The following JAG2 variants were observed in gnomAD, a reference collection of about 807,000 sequenced individuals.
JAG2 encodes protein jagged-2.
A neutral mutation model predicts 141.7 loss-of-function variants in JAG2; 46 were observed. The ratio of observed to expected loss-of-function variants is 0.32; its 90% confidence interval spans 0.26 to 0.42. The LOEUF (loss-of-function observed/expected upper bound fraction) is 0.42. JAG2 is among the 10% of genes least tolerant of loss of function. The pLI is 1.00. For synonymous variants in JAG2, 862 were observed against 763.5 expected (o/e 1.13, Z -2.13); for missense variants, 1,500 against 1,817.5 (o/e 0.83, Z 3.18).
intron 2 of JAG2, among the ~76,000 whole-genome samples, chr14:105,160,934 G>A (rs1047676215): frequency 2.6e-5 from 4 of 152,184 alleles, no homozygotes; most frequent in Non-Finnish European, 5.9e-5. Flanking sequence ...AGGGCATGAG[G>A]AAGTGAAGGA....
At position 105,143,533 on chromosome 14, in the gene JAG2, C is replaced by T; in HGVS notation, c.3190G>A (p.Ala1064Thr). 1 of 1,588,336 alleles carries T rather than the reference C, an allele frequency of 6.3e-7. No homozygotes were observed. Among genetic ancestry groups the T allele is most frequent in the Non-Finnish European group, 8.5e-7 (1 of 1,170,230 alleles). ...GTCTCCACCTTGACCTCGGTGACAG[C>T]CAGGAGCAGTGAGCTGTTCCCCCGC... ...TQRGNSSLLL[A>T]VTEVKVETVV... Residue 1064 changes from alanine (A) to threonine (T), a missense_variant, in exon 25 of 26, where the codon GCT (alanine) becomes ACT (threonine). Physicochemically the swap from Ala to Thr is moderately conservative, Grantham distance 58 (BLOSUM62 0). Transcript: ENST00000331782.
intron 5 of JAG2, 99 bp downstream of exon 5, chr14:105,155,463 A>G: frequency 7.2e-7 from 1 of 1,396,892 alleles, no homozygotes; most frequent in Non-Finnish European, 1.0e-6. Context: ...CCCAACCTCC[A>G]GCCAGCTCCG....
intron 24 of JAG2, 129 bp downstream of exon 24, chr14:105,144,801 G>A (rs1595172336): frequency 1.6e-6 from 2 of 1,233,288 alleles, no homozygotes; most frequent in East Asian, 5.1e-5. Flanking sequence ...GGGCCGCAGG[G>A]AGACAGGCCT....
intron 3 of JAG2, among the ~76,000 whole-genome samples, chr14:105,157,042 C>T (rs1888603656): frequency 6.6e-6 from 1 of 152,170 alleles, no homozygotes; most frequent in South Asian, 2.1e-4. Context: ...CCCCTCTCAC[C>T]CCCAGACTGC....
intron 2 of JAG2, among the ~76,000 whole-genome samples, chr14:105,163,584 G>A (rs1483627414): frequency 7.2e-6 from 1 of 139,676 alleles, no homozygotes; most frequent in Non-Finnish European, 1.5e-5. Context: ...ACTCCGCTCA[G>A]GCCTGTGGTC....
chr14:105,149,112 G>C (rs971367671), intron 13 of JAG2, 23 bp from the exon 14 acceptor site: 2 of 1,601,530 alleles, frequency 1.2e-6, no homozygotes, highest in Non-Finnish European at 1.7e-6. Context: ...GTACAGTCAG[G>C]AGTCAGGCCC....
In JAG2 at chr14:105,167,234, G is replaced by A. The variant is rs1258897761; in HGVS notation, c.417+523C>T. Among the ~76,000 whole-genome samples, 2 of 152,218 alleles carry A rather than the reference G, an allele frequency of 1.3e-5. No individual in the cohort carries two copies. Among genetic ancestry groups the A allele is most frequent in the Non-Finnish European group, 2.9e-5 (2 of 68,038 alleles). On this transcript the variant is annotated intron_variant, in intron 2 of 25. Coordinates refer to ENST00000331782, the MANE Select transcript of JAG2 (RefSeq NM_002226.5). This position sits in a 1 kb window ranked among gnomAD's most constrained non-coding sequence, Gnocchi z 4.8. ...TCTGAACGATCTTGGGTCACCATCG[G>A]GGGCTTCTGCCGACATAAGCGTTAG...
rs772783853 is a variant in JAG2, at chr14:105,167,963, C to T, written c.211G>A (p.Val71Met). ...TGGTACTCCTTAAGGCACACGCGCA[C>T]GTACGTGTCGCACTCGTCGTGGCCG... ...GCGHDECDTYVRVCLKEYQAK... is the reference protein window; with the variant it reads ...GCGHDECDTYMRVCLKEYQAK... The change falls in exon 2 of 26, where the codon GTG becomes ATG. Residue 71 changes from valine (V) to methionine (M), a missense_variant. This residue lies in a region of JAG2 where 200 missense variants were observed against 174.3 expected (regional missense o/e 1.15). Coordinates refer to ENST00000331782, the MANE Select transcript of JAG2 (RefSeq NM_002226.5). This position sits in a 1 kb window ranked among gnomAD's most constrained non-coding sequence, Gnocchi z 4.8. 1.2e-6 allele frequency: 2 copies of T among 1,604,330 alleles called. No individual in the cohort carries two copies. Among genetic ancestry groups the T allele is most frequent in the Admixed American group, 3.3e-5 (2 of 59,736 alleles).
In JAG2 at chr14:105,167,479, C is replaced by G. The variant is rs1033484156; in HGVS notation, c.417+278G>C. ...CCCACCCAGACAGACACGCGCAGGG[C>G]GACGCAGGCACACGCCGCACACCGC... On this transcript the variant is annotated intron_variant, in intron 2 of 25. Coordinates refer to ENST00000331782, the MANE Select transcript of JAG2 (RefSeq NM_002226.5). The surrounding 1 kb of genome is among the most constrained non-coding windows in gnomAD (Gnocchi z 4.8). Among the ~76,000 whole-genome samples the G allele has an allele frequency of 6.6e-6, 1 of 150,996 alleles. No individual in the cohort carries two copies. The highest frequency in any genetic ancestry group is 2.4e-5 in the African/African-American group (1 of 41,268).
At position 105,148,102 on chromosome 14, in the gene JAG2, CG is replaced by C. The variant is rs766982797; in HGVS notation, c.2248+13del. 2.4e-5 allele frequency: 37 copies of C among 1,537,192 alleles called. No individual in the cohort carries two copies. The South Asian group carries it at 3.9e-4, about 16-fold the overall frequency. On this transcript the variant is annotated intron_variant, in intron 17 of 25. Coordinates refer to ENST00000331782, the MANE Select transcript of JAG2 (RefSeq NM_002226.5). ...ATATGCCCGGCGGTCGCAGAGGCAG[CG>C]GGGGCTCCTCACCGACGGCGCAGGT... is the stretch of plus-strand genomic sequence containing the variant.
In JAG2 at chr14:105,149,238, C is replaced by T; in HGVS notation, c.1685G>A (p.Cys562Tyr). ...GTTCTTGCCACCAAAGTCATCAGGG[C>T]AGGCGCAGTAATAGTCACCCTCCAG... is the stretch of plus-strand genomic sequence containing the variant. ...YNLEGDYYCA[C>Y]PDDFGGKNCS... The change falls in exon 13 of 26, where the codon TGC (cysteine) becomes TAC (tyrosine). Residue 562 changes from cysteine to tyrosine, a missense_variant. Around this residue, in one of 3 missense-constraint regions of JAG2, gnomAD observed 875 missense variants for 1,202.2 expected, o/e 0.73. Coordinates refer to ENST00000331782, the MANE Select transcript of JAG2 (RefSeq NM_002226.5). 6.2e-7 allele frequency: 1 copy of T among 1,611,882 alleles called. No homozygotes were observed. Among genetic ancestry groups the T allele is most frequent in the Non-Finnish European group, 8.5e-7 (1 of 1,179,778 alleles).
At chr14:105,150,226 A>G (rs930070776) in intron 12 of JAG2, among the ~76,000 whole-genome samples, 1 of 151,886 alleles carries the variant, frequency 6.6e-6, no homozygotes, top group Admixed American at 6.6e-5. Flanking sequence ...GGACTCACCT[A>G]TGACAGGTGT....
Position 105,148,176 on chromosome 14 carries a change from T to G in JAG2, c.2188A>C (p.Ser730Arg), listed in dbSNP as rs1888290299. 6.4e-7 allele frequency: 1 copy of G among 1,551,984 alleles called. No individual in the cohort carries two copies. The highest frequency in any genetic ancestry group is 1.4e-5 in the African/African-American group (1 of 73,168). ...TCSNGGTCYD[S>R]GDTFRCACPP... is the part of the protein sequence containing the mutation. ...CAGGCGCAGCGGAAGGTGTCGCCGC[T>G]GTCGTAGCAGGTGCCACCGTTGCTG... The change falls in exon 17 of 26, where the codon AGC becomes CGC. Residue 730 changes from serine to arginine, a missense_variant. By Grantham distance (110) the Ser-to-Arg change is moderately radical. This residue lies in a region of JAG2 where 875 missense variants were observed against 1,202.2 expected (regional missense o/e 0.73). Coordinates refer to ENST00000331782, the MANE Select transcript of JAG2 (RefSeq NM_002226.5).
At chr14:105,147,711 G>C (rs1037794816) in intron 18 of JAG2, 61 bp downstream of exon 18, 1 of 1,269,616 alleles carries the variant, frequency 7.9e-7, no homozygotes, top group Non-Finnish European at 1.1e-6. Flanking sequence ...GGCGAGTCGG[G>C]GGCAGGGATG....
intron 2 of JAG2, 61 bp from the exon 3 acceptor site, chr14:105,157,824 T>C (rs1888625297): frequency 1.4e-6 from 2 of 1,453,758 alleles, no homozygotes; most frequent in Admixed American, 3.9e-5. Context: ...TCGTTCAGGG[T>C]GGGACAAGGC....
Position 105,145,188 on chromosome 14 carries a change from G to A in JAG2, c.2953-127C>T. Reference sequence around the variant, plus strand: ...CCGCCCAGGAGAGCACAGCAAGGATGCCAAGGGCCTGGGGGGGCAGCTTCC... The same window carrying A: ...CCGCCCAGGAGAGCACAGCAAGGATACCAAGGGCCTGGGGGGGCAGCTTCC... On this transcript the variant is annotated intron_variant, in intron 23 of 25. Transcript: ENST00000331782. 4.5e-6 allele frequency: 6 copies of A among 1,330,636 alleles called. No homozygotes were observed. The South Asian group carries it at 5.0e-5, about 11-fold the overall frequency. 82.4% of individuals were successfully genotyped at this position (1,330,636 alleles called of 1,614,324 possible).
Position 105,167,626 on chromosome 14 carries a change from G to T in JAG2, c.417+131C>A. 3 of 1,085,656 alleles carry T rather than the reference G, an allele frequency of 2.8e-6. No homozygotes were observed. The highest frequency in any genetic ancestry group is 3.4e-6 in the Non-Finnish European group (3 of 874,502). The allele number at this position is 1,085,656 out of a possible 1,614,324, so 67.3% of individuals were successfully genotyped here. On this transcript the variant is annotated intron_variant, in intron 2 of 25. Coordinates refer to ENST00000331782, the MANE Select transcript of JAG2 (RefSeq NM_002226.5). The surrounding 1 kb of genome is among the most constrained non-coding windows in gnomAD (Gnocchi z 4.8). ...TCCCCAGAGCACGCGCCCCCTGCCG[G>T]CCCCGCCCCGCCTGGGCGCGCGCGG...
Position 105,142,929 on chromosome 14 carries a change from C to T in JAG2, c.3483G>A (p.Ala1161=), listed in dbSNP as rs371481582. The change falls in exon 26 of 26, where the codon GCG becomes GCA. Residue 1161 remains alanine, a synonymous_variant. Transcript: ENST00000331782. ...CKNFTPPPRR[A]DEALPGPAGH... is the part of the protein sequence containing the mutation. ...CGGCCGGCCCGGGCAGCGCCTCGTC[C>T]GCCCTGCGCGGCGGCGGCGTGAAGT... 4.5e-5 allele frequency: 73 copies of T among 1,608,096 alleles called. No homozygotes were observed. The highest frequency in any genetic ancestry group is 3.4e-4 in the East Asian group (15 of 44,726).
rs775207792 is a variant in JAG2 at position 105,143,174 on chromosome 14, G to C, written c.3242-4C>G. On this transcript the variant is annotated splice_polypyrimidine_tract_variant and splice_region_variant and intron_variant, in intron 25 of 25. Coordinates refer to ENST00000331782, the MANE Select transcript of JAG2 (RefSeq NM_002226.5). ...CACAGCACAGGCACCAGCAGACCTG[G>C]GGACCGGGGAGAAGAGCCGGTGGGC... is the stretch of plus-strand genomic sequence containing the variant. 6.3e-7 allele frequency: 1 copy of C among 1,597,078 alleles called. No homozygotes were observed. The highest frequency in any genetic ancestry group is 2.2e-5 in the East Asian group (1 of 44,828).
Sources: gnomAD v4.1 joint callset for allele counts (sites outside exome capture counted in the v4.1 genomes callset) on GRCh38, gnomAD v4.1.1 for gene constraint, gnomAD v4.1.1 regional missense constraint, Gnocchi (gnomAD v3.1) non-coding constraint, MANE v1.5 for transcripts, NCBI Gene and HGNC (gene_info 2026-07-23, HGNC 2026-07-21) for gene names.